The following PDE3A variants were observed in gnomAD, a reference collection of about 807,000 sequenced individuals.
PDE3A encodes cGMP-inhibited 3',5'-cyclic phosphodiesterase 3A.
In PDE3A, 43 loss-of-function variants were observed where a neutral mutation model predicts 98.3. The observed-to-expected ratio is 0.44, with a 90% CI of 0.34 to 0.56. The LOEUF is 0.56. PDE3A is among the 20% of genes least tolerant of loss of function. The pLI is 0.01. For synonymous variants in PDE3A, 663 were observed against 567.9 expected (o/e 1.17, Z -2.38); for missense variants, 1,427 against 1,440.7 (o/e 0.99, Z 0.15).
At chr12:20,422,653 A>T (rs541537128) in intron 1 of PDE3A, among the ~76,000 whole-genome samples, 2 of 152,378 alleles carry the variant, frequency 1.3e-5, no homozygotes, top group South Asian at 4.1e-4. Context: ...TAAAATGTAT[A>T]CAGAAGGACA....
chr12:20,451,333 C>A (rs1305913526), intron 1 of PDE3A, among the ~76,000 whole-genome samples: 1 of 152,050 alleles, frequency 6.6e-6, no homozygotes, highest in Admixed American at 6.6e-5. Context: ...GAGTGCAGTG[C>A]TGCCATCTCA....
At chr12:20,370,303 G>C in intron 1 of PDE3A, 59 bp downstream of exon 1, 1 of 1,442,194 alleles carries the variant, frequency 6.9e-7, no homozygotes, top group Admixed American at 2.3e-5. Context: ...GGCAACCGGC[G>C]CAGAGTGGAG....
At chr12:20,405,240 C>G (rs1447064424) in intron 1 of PDE3A, among the ~76,000 whole-genome samples, 1 of 152,110 alleles carries the variant, frequency 6.6e-6, no homozygotes, top group Admixed American at 6.6e-5. Flanking sequence ...GTGTCTACCT[C>G]CAGGGATAAC....
chr12:20,391,965 C>T (rs945502536), intron 1 of PDE3A, among the ~76,000 whole-genome samples: 2 of 151,958 alleles, frequency 1.3e-5, no homozygotes, highest in African/African-American at 4.8e-5. Context: ...AGAGCATCAA[C>T]GTGTGGGTGA....
chr12:20,633,775 A>G lies in PDE3A; in HGVS notation c.1843A>G (p.Thr615Ala), dbSNP rs113434458. 1 of 1,574,684 alleles carries G rather than the reference A, an allele frequency of 6.4e-7. No individual in the cohort carries two copies. The highest frequency in any genetic ancestry group is 8.7e-7 in the Non-Finnish European group (1 of 1,150,278). Residue 615 changes from threonine (T) to alanine (A), a missense_variant, in exon 7 of 16, where the codon ACA becomes GCA. Physicochemically the swap from Thr to Ala is moderately conservative, Grantham distance 58. Around this residue, in one of 3 missense-constraint regions of PDE3A, gnomAD observed 1,012 missense variants for 886.5 expected, o/e 1.14. Transcript: ENST00000359062. ...GGTAGCCACTCGGACACCAAGTAGA[A>G]CAGGTAATTCATTGTTTTGGATTCT... ...SGVATRTPSRTDDTAQVTSDY... is the reference protein window; with the variant it reads ...SGVATRTPSRADDTAQVTSDY...
At chr12:20,649,267 T>C (rs905465347) in intron 13 of PDE3A, among the ~76,000 whole-genome samples, 2 of 152,028 alleles carry the variant, frequency 1.3e-5, no homozygotes, top group African/African-American at 4.8e-5. Flanking sequence ...TTGAAAGATA[T>C]CATGGAAGCA....
At chr12:20,442,768 A>T (rs576523949) in intron 1 of PDE3A, among the ~76,000 whole-genome samples, 1 of 152,362 alleles carries the variant, frequency 6.6e-6, no homozygotes, top group East Asian at 1.9e-4. Context: ...TATCTTTTAA[A>T]ATCATTATCT....
At chr12:20,642,896 T>C (rs1017496966) in intron 10 of PDE3A, among the ~76,000 whole-genome samples, 3 of 152,202 alleles carry the variant, frequency 2.0e-5, no homozygotes, top group Non-Finnish European at 4.4e-5. Context: ...CTATGGTGCA[T>C]AGGAGCATAG....
chr12:20,543,655 G>A (rs540290975), intron 1 of PDE3A, among the ~76,000 whole-genome samples: 1 of 152,112 alleles, frequency 6.6e-6, no homozygotes, highest in South Asian at 2.1e-4. Flanking sequence ...TCTATAAATT[G>A]TGTTTTGGCG....
intron 2 of PDE3A, among the ~76,000 whole-genome samples, chr12:20,578,513 TACTC>T (rs1160251922): frequency 2.1e-4 from 32 of 149,066 alleles, no homozygotes; most frequent in African/African-American, 7.2e-4. Context: ...ACACACGTAG[TACTC>T]ACTAATGCGC....
At chr12:20,440,091 C>T (rs752324269) in intron 1 of PDE3A, among the ~76,000 whole-genome samples, 2 of 151,920 alleles carry the variant, frequency 1.3e-5, no homozygotes, top group African/African-American at 2.4e-5. Context: ...TGATATAAAT[C>T]CAAAGAAATC....
intron 1 of PDE3A, among the ~76,000 whole-genome samples, chr12:20,378,817 C>CT (rs200881761): frequency 1.1e-4 from 17 of 148,862 alleles, no homozygotes; most frequent in East Asian, 7.8e-4. Context: ...TGTTCTGGTA[C>CT]TTTTTTTTTT....
chr12:20,463,748 G>A (rs1945293557), intron 1 of PDE3A, among the ~76,000 whole-genome samples: 1 of 152,090 alleles, frequency 6.6e-6, no homozygotes, highest in South Asian at 2.1e-4. Context: ...GTATGTACCT[G>A]CTGAGGAAAA....
At chr12:20,620,726 C>T (rs1265598149) in intron 4 of PDE3A, among the ~76,000 whole-genome samples, 1 of 151,956 alleles carries the variant, frequency 6.6e-6, no homozygotes, top group African/African-American at 2.4e-5. Flanking sequence ...GTGTGTTTAG[C>T]ATCAGCTCCA....
chr12:20,416,920 T>A (rs1048863561), intron 1 of PDE3A, among the ~76,000 whole-genome samples: 1 of 152,182 alleles, frequency 6.6e-6, no homozygotes, highest in Non-Finnish European at 1.5e-5. Context: ...ATATTCAAAG[T>A]ACATAAGGTG....
chr12:20,567,989 T>C (rs961808560), intron 2 of PDE3A, among the ~76,000 whole-genome samples: 1 of 151,976 alleles, frequency 6.6e-6, no homozygotes, highest in African/African-American at 2.4e-5. Flanking sequence ...CCTTAAAAAG[T>C]ATTTGTTCGT....
At chr12:20,454,167 G>A (rs2120898533) in intron 1 of PDE3A, among the ~76,000 whole-genome samples, 1 of 152,110 alleles carries the variant, frequency 6.6e-6, no homozygotes, top group East Asian at 1.9e-4. Flanking sequence ...TCAGCTCCTG[G>A]CTCTTGCTTG....
Position 20,573,172 on chromosome 12 carries a change from A to G in PDE3A, c.1011+16462A>G, listed in dbSNP as rs150584971. On this transcript the variant is annotated intron_variant, in intron 2 of 15. Transcript: ENST00000359062. ...ATAAAATACTTAAAATATACCTTGA[A>G]TTAATTAAAGGAAAAAGAAAGCAAC... is the stretch of plus-strand genomic sequence containing the variant. Among the ~76,000 whole-genome samples, 302 of 152,272 alleles carry G rather than the reference A, an allele frequency of 2.0e-3. 2 individuals carry two copies. The Middle Eastern group carries it at 0.031, about 15-fold the overall frequency.
intron 6 of PDE3A, among the ~76,000 whole-genome samples, chr12:20,631,595 T>A (rs1238945385): frequency 6.6e-6 from 1 of 151,534 alleles, no homozygotes; most frequent in East Asian, 1.9e-4. Context: ...TTAGGGAGAG[T>A]CTCCCACTGT....
Sources: gnomAD v4.1 joint callset for allele counts (sites outside exome capture counted in the v4.1 genomes callset) on GRCh38, gnomAD v4.1.1 for gene constraint, gnomAD v4.1.1 regional missense constraint, MANE v1.5 for transcripts, NCBI Gene and HGNC (gene_info 2026-07-23, HGNC 2026-07-21) for gene names.